The following CNNM4 variants were observed in gnomAD, a reference collection of about 807,000 sequenced individuals.
CNNM4 encodes metal transporter CNNM4.
In CNNM4, 32 loss-of-function variants were observed where a neutral mutation model predicts 53.7. The ratio of observed to expected loss-of-function variants is 0.60; its 90% confidence interval spans 0.45 to 0.80. The LOEUF (loss-of-function observed/expected upper bound fraction) is 0.80. CNNM4 is among the 30% of genes least tolerant of loss of function. CNNM4 has a pLI of 0.00. For missense variants in CNNM4, 784 were observed against 1,022.0 expected (o/e 0.77, Z 3.17); for synonymous variants, 410 against 440.0 (o/e 0.93, Z 0.85).
In CNNM4 at chr2:96,808,714, G is replaced by C; in HGVS notation, c.2102G>C (p.Arg701Pro). Residue 701 changes from arginine (R) to proline (P), a missense_variant, in exon 6 of 7, where the codon CGG becomes CCG. Physicochemically the swap from Arg to Pro is moderately radical, Grantham distance 103. Around this residue, in one of 3 missense-constraint regions of CNNM4, gnomAD observed 307 missense variants for 376.3 expected, o/e 0.82. Transcript: ENST00000377075. The surrounding 1 kb of genome is among the most constrained non-coding windows in gnomAD (Gnocchi z 4.9). ...LGQYISDFSV[R>P]ALVDLQYIKI... The stretch of plus-strand genomic sequence containing the variant: ...CAGTACATCTCTGACTTCAGCGTCC[G>C]GGCACTCGTGGACTTGCAGTACATC... 4 of 1,614,088 alleles carry C rather than the reference G, an allele frequency of 2.5e-6. No individual in the cohort carries two copies. Among genetic ancestry groups the C allele is most frequent in the Non-Finnish European group, 3.4e-6 (4 of 1,180,006 alleles).
rs1380850081 is a variant in CNNM4 at position 96,799,573 on chromosome 2, G to C, written c.1873G>C (p.Gly625Arg). 6.4e-7 allele frequency: 1 copy of C among 1,555,644 alleles called. No individual in the cohort carries two copies. The highest frequency in any genetic ancestry group is 1.2e-5 in the South Asian group (1 of 84,248). ...ILQGKVEVEA[G>R]KENMKFETGA... is the part of the protein sequence containing the mutation. ...TCAGGGGAAGGTGGAGGTGGAGGCA[G>C]GGAAGGAGAACATGAAGTTTGAGAC... The change falls in exon 5 of 7, where the codon GGG (glycine) becomes CGG (arginine). Residue 625 changes from glycine to arginine, a missense_variant. Gly to Arg is a moderately radical substitution (Grantham distance 125, BLOSUM62 -2). Transcript: ENST00000377075.
chr2:96,808,583 C>T lies in CNNM4; in HGVS notation c.1971C>T (p.Thr657=). ...VPSDRSPAHP[T]PLSRSASLSY... is the part of the protein sequence containing the mutation. Reference sequence around the variant, plus strand: ...CAGACCGTTCCCCAGCACACCCCACCCCACTCAGCCGCTCAGCCTCCCTCA... The same window carrying T: ...CAGACCGTTCCCCAGCACACCCCACTCCACTCAGCCGCTCAGCCTCCCTCA... The change falls in exon 6 of 7, where the codon ACC becomes ACT. Residue 657 remains threonine (T), a synonymous_variant. Transcript: ENST00000377075. This position sits in a 1 kb window ranked among gnomAD's most constrained non-coding sequence, Gnocchi z 4.9. 6.2e-7 allele frequency: 1 copy of T among 1,614,056 alleles called. No individual in the cohort carries two copies. Among genetic ancestry groups the T allele is most frequent in the Non-Finnish European group, 8.5e-7 (1 of 1,180,002 alleles).
chr2:96,779,806 AT>A (rs776999926), intron 1 of CNNM4, among the ~76,000 whole-genome samples: 11,813 of 141,426 alleles, frequency 0.084, 449 homozygotes, highest in Middle Eastern at 0.17. Context: ...AAGACTTGAC[AT>A]TTTTTTTTTT....
intron 1 of CNNM4, among the ~76,000 whole-genome samples, chr2:96,796,083 C>T (rs1331597130): frequency 6.7e-6 from 1 of 148,624 alleles, no homozygotes; most frequent in African/African-American, 2.5e-5. Context: ...GGGTCTTTCC[C>T]CTCCCCAAGA....
At position 96,770,956 on chromosome 2, in the gene CNNM4, C is replaced by G. The variant is rs577361497; in HGVS notation, c.1402+8555C>G. ...GATGGACAGGCTGTCTCAAAGCCTTCCTGTGGTCTTAGGGATTCTTGGAAC... is the reference window on the plus strand; with the variant it reads ...GATGGACAGGCTGTCTCAAAGCCTTGCTGTGGTCTTAGGGATTCTTGGAAC... On this transcript the variant is annotated intron_variant, in intron 1 of 6. Coordinates refer to ENST00000377075, the MANE Select transcript of CNNM4 (RefSeq NM_020184.4). 2.0e-5 allele frequency among the ~76,000 whole-genome samples: 3 copies of G among 152,332 alleles called. No homozygotes were observed. The South Asian group carries it at 6.2e-4, about 32-fold the overall frequency.
chr2:96,775,369 A>G (rs1271516425), intron 1 of CNNM4, among the ~76,000 whole-genome samples: 1 of 152,210 alleles, frequency 6.6e-6, no homozygotes, highest in African/African-American at 2.4e-5. Context: ...TCTGAGCTTC[A>G]TCCATGCTGT....
intron 1 of CNNM4, among the ~76,000 whole-genome samples, chr2:96,796,710 A>G (rs1219602995): frequency 6.6e-6 from 1 of 152,176 alleles, no homozygotes; most frequent in East Asian, 1.9e-4. Context: ...GCAGTGAGCT[A>G]TGATTGCGCC....
At chr2:96,799,700 GA>G in intron 5 of CNNM4, 52 bp downstream of exon 5, 2 of 1,417,850 alleles carry the variant, frequency 1.4e-6, no homozygotes, top group African/African-American at 1.4e-5. Context: ...TGCAGCTGGG[GA>G]GCCATGGACC....
At chr2:96,788,725 G>A (rs898084494) in intron 1 of CNNM4, 1 of 152,210 alleles carries the variant, frequency 6.6e-6, no homozygotes, top group Non-Finnish European at 1.5e-5. Context: ...CCTCTCCCAT[G>A]GGAGGGCCTG....
At chr2:96,796,384 A>G (rs1037792316) in intron 1 of CNNM4, among the ~76,000 whole-genome samples, 3 of 151,708 alleles carry the variant, frequency 2.0e-5, no homozygotes, top group African/African-American at 7.3e-5. Flanking sequence ...GCCTCAAGCA[A>G]TCTGCCCGCT....
intron 1 of CNNM4, among the ~76,000 whole-genome samples, chr2:96,773,836 C>G (rs891382120): frequency 2.2e-5 from 3 of 137,186 alleles, no homozygotes; most frequent in Non-Finnish European, 4.6e-5. Flanking sequence ...GAGTAAGACT[C>G]CATCTAAAAA....
At position 96,797,477 on chromosome 2, in the gene CNNM4, G is replaced by T. The variant is rs1173718353; in HGVS notation, c.1547-36G>T. 1.9e-6 allele frequency: 3 copies of T among 1,611,898 alleles called. No homozygotes were observed. Among genetic ancestry groups the T allele is most frequent in the Non-Finnish European group, 2.5e-6 (3 of 1,179,998 alleles). Reference sequence around the variant, plus strand: ...CCAGTCTCTTCCTAAGTCCTCAGGGGTCTGTGTTCTCAATTCCACGCTCTT... The same window carrying T: ...CCAGTCTCTTCCTAAGTCCTCAGGGTTCTGTGTTCTCAATTCCACGCTCTT... On this transcript the variant is annotated intron_variant, in intron 2 of 6. Transcript: ENST00000377075. The surrounding 1 kb of genome is among the most constrained non-coding windows in gnomAD (Gnocchi z 6.0).
intron 1 of CNNM4, among the ~76,000 whole-genome samples, chr2:96,788,271 T>A (rs2079031240): frequency 6.7e-6 from 1 of 149,976 alleles, no homozygotes; most frequent in African/African-American, 2.5e-5. Context: ...TTTTTTTTTC[T>A]GGAGACAGGG....
At position 96,809,150 on chromosome 2, in the gene CNNM4, C is replaced by T. The variant is rs552796110; in HGVS notation, c.2131-170C>T. The T allele has an allele frequency of 5.8e-5, 84 of 1,450,000 alleles. No homozygotes were observed. In the African/African-American group the frequency reaches 9.3e-4, roughly 16 times the overall value. The allele number at this position is 1,450,000 out of a possible 1,614,324, so 89.8% of individuals were successfully genotyped here. A position where few individuals can be genotyped will look rare whatever the true frequency, so the allele number is the denominator to read the frequency against. ...AGCCACTGTGCCCAGCCCTGAGATGCTTTCTTCTCTTGTTCGTGCACCTTG... is the reference window on the plus strand; with the variant it reads ...AGCCACTGTGCCCAGCCCTGAGATGTTTTCTTCTCTTGTTCGTGCACCTTG... On this transcript the variant is annotated intron_variant, in intron 6 of 6. Transcript: ENST00000377075.
At chr2:96,785,224 C>T (rs1002545297) in intron 1 of CNNM4, among the ~76,000 whole-genome samples, 1 of 150,904 alleles carries the variant, frequency 6.6e-6, no homozygotes, top group African/African-American at 2.5e-5. Context: ...TCATCTTGCC[C>T]CTATTTTAAA....
intron 1 of CNNM4, among the ~76,000 whole-genome samples, chr2:96,780,052 G>A (rs2078960458): frequency 1.3e-5 from 2 of 152,000 alleles, no homozygotes; most frequent in Non-Finnish European, 2.9e-5. Flanking sequence ...TGCCCGTCTT[G>A]GCCTCCCAAA....
chr2:96,780,387 C>T (rs1329656916), intron 1 of CNNM4, among the ~76,000 whole-genome samples: 1 of 150,670 alleles, frequency 6.6e-6, no homozygotes, highest in African/African-American at 2.4e-5. Flanking sequence ...TTTAAGGTTT[C>T]TGCCCTCCCC....
In CNNM4 at chr2:96,797,720, T is replaced by C; in HGVS notation, c.1681+73T>C. 6.3e-7 allele frequency: 1 copy of C among 1,592,106 alleles called. No individual in the cohort carries two copies. Among genetic ancestry groups the C allele is most frequent in the East Asian group, 2.2e-5 (1 of 44,514 alleles). On this transcript the variant is annotated intron_variant, in intron 3 of 6. Transcript: ENST00000377075. The surrounding 1 kb of genome is among the most constrained non-coding windows in gnomAD (Gnocchi z 6.0). ...GGAGAAGTCCTGGGTTTCCGGCTGC[T>C]TTCCCCCCATAGGACGAGGGCTGCA...
Position 96,808,721 on chromosome 2 carries a change from C to T in CNNM4, c.2109C>T (p.Leu703=), listed in dbSNP as rs756325462. ...QYISDFSVRA[L]VDLQYIKITR... ...TCTCTGACTTCAGCGTCCGGGCACT[C>T]GTGGACTTGCAGTACATCAAGGTGA... The change falls in exon 6 of 7, where the codon CTC becomes CTT. Residue 703 remains leucine, a synonymous_variant. Transcript: ENST00000377075. The surrounding 1 kb of genome is among the most constrained non-coding windows in gnomAD (Gnocchi z 4.9). 3.5e-5 allele frequency: 56 copies of T among 1,614,036 alleles called. 2 individuals are homozygous for T. Among genetic ancestry groups the T allele is most frequent in the East Asian group, 3.3e-4 (15 of 44,894 alleles).
Sources: allele counts gnomAD v4.1 joint callset (sites outside exome capture counted in the v4.1 genomes callset), GRCh38; gene constraint gnomAD v4.1.1; regional missense constraint gnomAD v4.1.1; non-coding constraint Gnocchi (gnomAD v3.1); transcripts MANE v1.5; gene names NCBI Gene and HGNC (gene_info 2026-07-23, HGNC 2026-07-21).